The following ACAT2 variants were observed in gnomAD, a reference collection of about 807,000 sequenced individuals.
ACAT2 encodes the protein acetyl-CoA acetyltransferase, cytosolic.
ACAT2 carries 26 observed loss-of-function variants against 37.1 expected under a neutral mutation model. The observed-to-expected ratio is 0.70, with a 90% confidence interval of 0.51 to 0.97. ACAT2 has a LOEUF of 0.97. ACAT2 is among the 50% of genes least tolerant of loss of function. The pLI is 0.00. For synonymous variants in ACAT2, 156 were observed against 163.6 expected (o/e 0.95, Z 0.35); for missense variants, 468 against 489.0 (o/e 0.96, Z 0.40).
Position 159,762,574 on chromosome 6 carries a change from C to A in ACAT2, c.56-345C>A, listed in dbSNP as rs540382280. ...ACACAATGGCTAGAAGTCGTGACTT[C>A]GTCTCCTTCGTGCCGCATGGTTTTC... On this transcript the variant is annotated intron_variant, in intron 1 of 8. Transcript: ENST00000367048. 53 of 1,345,984 alleles carry A rather than the reference C, an allele frequency of 3.9e-5. 4 individuals are homozygous for A. In the South Asian group the frequency reaches 6.8e-4, roughly 17 times the overall value. The allele number at this position is 1,345,984 out of a possible 1,614,324, so 83.4% of individuals were successfully genotyped here.
chr6:159,762,429 A>C, intron 1 of ACAT2: 1 of 1,364,968 alleles, frequency 7.3e-7, no homozygotes, highest in Non-Finnish European at 9.5e-7. Flanking sequence ...TGGCGTAGGG[A>C]GGTGTTCTCC....
chr6:159,771,908 CACAACAACA>C (rs546836983), intron 4 of ACAT2, among the ~76,000 whole-genome samples: 4 of 151,774 alleles, frequency 2.6e-5, no homozygotes, highest in African/African-American at 9.7e-5. Context: ...AACATAGTGA[CACAACAACA>C]ACAACAACAA....
Position 159,768,605 on chromosome 6 carries a change from A to G in ACAT2, c.467A>G (p.His156Arg), listed in dbSNP as rs1780290782. 1.2e-6 allele frequency: 2 copies of G among 1,611,714 alleles called. No individual in the cohort carries two copies. The highest frequency in any genetic ancestry group is 1.7e-6 in the Non-Finnish European group (2 of 1,177,830). ...TGTGATGGTCTTACAGATGCATTTCACAACTGTCATATGGGTATTACAGGT... is the reference window on the plus strand; with the variant it reads ...TGTGATGGTCTTACAGATGCATTTCGCAACTGTCATATGGGTATTACAGGT... ...ILCDGLTDAF[H>R]NCHMGITAEN... The change falls in exon 4 of 9, where the codon CAC becomes CGC. Residue 156 changes from histidine to arginine, a missense_variant. Transcript: ENST00000367048.
At chr6:159,778,574 T>G in intron 8 of ACAT2, 85 bp from the exon 9 acceptor site, 1 of 1,438,084 alleles carries the variant, frequency 7.0e-7, no homozygotes, top group Non-Finnish European at 9.6e-7. Flanking sequence ...AGCATGCTGA[T>G]ACATTAAGAG....
At chr6:159,774,500 C>T (rs1487475589) in intron 4 of ACAT2, among the ~76,000 whole-genome samples, 1 of 151,830 alleles carries the variant, frequency 6.6e-6, no homozygotes, top group Non-Finnish European at 1.5e-5. Flanking sequence ...AGTGCAGAGG[C>T]ACAATCATGG....
At chr6:159,767,281 G>T in intron 3 of ACAT2, 95 bp downstream of exon 3, 3 of 1,279,164 alleles carry the variant, frequency 2.3e-6, no homozygotes, top group Non-Finnish European at 3.3e-6. Context: ...AGCAGAGCTG[G>T]AACCAAACAG....
At chr6:159,766,385 T>G (rs1170321891) in intron 2 of ACAT2, among the ~76,000 whole-genome samples, 1 of 149,512 alleles carries the variant, frequency 6.7e-6, no homozygotes, top group Non-Finnish European at 1.5e-5. Flanking sequence ...TTGATAATGC[T>G]TATTTAAGCA....
chr6:159,767,041 G>T lies in ACAT2; in HGVS notation c.227G>T (p.Gly76Val), dbSNP rs372204062. The T allele has an allele frequency of 1.2e-6, 2 of 1,614,084 alleles. No individual in the cohort carries two copies. The highest frequency in any genetic ancestry group is 1.7e-6 in the Non-Finnish European group (2 of 1,179,938). Residue 76 changes from glycine to valine, a missense_variant, in exon 3 of 9, where the codon GGT (glycine) becomes GTT (valine). Transcript: ENST00000367048. The stretch of plus-strand genomic sequence containing the variant: ...AATCCTGTTAGACAAGCCAGTGTGG[G>T]TGCAGGAATTCCCTACTCTGTTCCA... ...GQNPVRQASV[G>V]AGIPYSVPAW...
chr6:159,771,250 C>T (rs1780332033), intron 4 of ACAT2, among the ~76,000 whole-genome samples: 1 of 151,964 alleles, frequency 6.6e-6, no homozygotes, highest in South Asian at 2.1e-4. Flanking sequence ...GCTGGTGGCG[C>T]ATGCCTGTAA....
intron 4 of ACAT2, among the ~76,000 whole-genome samples, chr6:159,773,846 C>T (rs887355103): frequency 2.0e-5 from 3 of 152,152 alleles, no homozygotes; most frequent in African/African-American, 7.2e-5. Flanking sequence ...AAAAGGTTTT[C>T]TTTGTGGTAA....
At chr6:159,762,332 C>T in intron 1 of ACAT2, 190 bp downstream of exon 1, 3 of 1,224,964 alleles carry the variant, frequency 2.4e-6, no homozygotes, top group Non-Finnish European at 3.3e-6. Context: ...GCCCCACCCT[C>T]TCCTCTCCCG....
At position 159,776,246 on chromosome 6, in the gene ACAT2, G is replaced by A. The variant is rs368091007; in HGVS notation, c.731G>A (p.Gly244Glu). 2 of 1,614,080 alleles carry A rather than the reference G, an allele frequency of 1.2e-6. No homozygotes were observed. The highest frequency in any genetic ancestry group is 1.7e-6 in the Non-Finnish European group (2 of 1,179,984). ...LKPYFLTDGT[G>E]TVTPANASGI... ...CCTTACTTTCTTACTGATGGAACGG[G>A]AACAGTCACCCCAGCCAATGCTTCA... is the stretch of plus-strand genomic sequence containing the variant. Residue 244 changes from glycine to glutamate, a missense_variant, in exon 6 of 9, where the codon GGA (glycine) becomes GAA (glutamate). Transcript: ENST00000367048.
At position 159,778,985 on chromosome 6, in the gene ACAT2, C is replaced by A; in HGVS notation, c.*156C>A. On this transcript the variant is annotated 3_prime_UTR_variant, in exon 9 of 9. Coordinates refer to ENST00000367048, the MANE Select transcript of ACAT2 (RefSeq NM_005891.3). ...TTGTACTTTACTTTAATGTGTAATA[C>A]TCAACTCAAGGTACAAGACAATTGC... The A allele has an allele frequency of 6.4e-7, 1 of 1,572,928 alleles. No homozygotes were observed. Among genetic ancestry groups the A allele is most frequent in the Non-Finnish European group, 8.7e-7 (1 of 1,151,924 alleles).
At position 159,762,712 on chromosome 6, in the gene ACAT2, T is replaced by C. The variant is rs1288696802; in HGVS notation, c.56-207T>C. On this transcript the variant is annotated intron_variant, in intron 1 of 8. Transcript: ENST00000367048. Reference sequence around the variant, plus strand: ...CGGCGTCCCTAGGCCGTTCTGGAGGTCGCCTGTCCAGCCCTCGGCTGCTGC... The same window carrying C: ...CGGCGTCCCTAGGCCGTTCTGGAGGCCGCCTGTCCAGCCCTCGGCTGCTGC... 7.9e-6 allele frequency: 12 copies of C among 1,525,084 alleles called. No individual in the cohort carries two copies. In the Admixed American group the frequency reaches 2.2e-4, roughly 28 times the overall value. 94.5% of individuals were successfully genotyped at this position (1,525,084 alleles called of 1,614,324 possible). A position where few individuals can be genotyped will look rare whatever the true frequency, so the allele number is the denominator to read the frequency against.
In ACAT2 at chr6:159,762,900, C is replaced by T; in HGVS notation, c.56-19C>T. The stretch of plus-strand genomic sequence containing the variant: ...CCCGCAGGCTTGTGATGTCCACGCT[C>T]TCCGCCTTTCTATTGTAGGTTCCTT... On this transcript the variant is annotated intron_variant, in intron 1 of 8. Coordinates refer to ENST00000367048, the MANE Select transcript of ACAT2 (RefSeq NM_005891.3). 6.2e-7 allele frequency: 1 copy of T among 1,607,494 alleles called. No individual in the cohort carries two copies. The highest frequency in any genetic ancestry group is 8.5e-7 in the Non-Finnish European group (1 of 1,176,690).
chr6:159,777,588 AAG>A, intron 7 of ACAT2, 132 bp downstream of exon 7: 1 of 1,133,702 alleles, frequency 8.8e-7, no homozygotes, highest in Non-Finnish European at 1.2e-6. Context: ...TTTTTGAGAT[AAG>A]GTCTTGCTCT....
Position 159,762,432 on chromosome 6 carries a change from T to G in ACAT2, c.55+290T>G, listed in dbSNP as rs958493016. The G allele has an allele frequency of 2.1e-5, 28 of 1,362,456 alleles. No individual in the cohort carries two copies. In the East Asian group the frequency reaches 5.4e-4, roughly 26 times the overall value. 84.4% of individuals were successfully genotyped at this position (1,362,456 alleles called of 1,614,324 possible). ...TCTCCCATTGGTTGGCGTAGGGAGG[T>G]GTTCTCCTCCGGGGCCCCTGATTGG... On this transcript the variant is annotated intron_variant, in intron 1 of 8. Coordinates refer to ENST00000367048, the MANE Select transcript of ACAT2 (RefSeq NM_005891.3).
intron 7 of ACAT2, 145 bp downstream of exon 7, chr6:159,777,601 G>T: frequency 9.6e-7 from 1 of 1,045,980 alleles, no homozygotes; most frequent in South Asian, 1.8e-5. Context: ...GTCTTGCTCT[G>T]TTGTCCAGGC....
At chr6:159,772,819 A>G (rs1030989445) in intron 4 of ACAT2, among the ~76,000 whole-genome samples, 5 of 152,070 alleles carry the variant, frequency 3.3e-5, no homozygotes, top group African/African-American at 1.2e-4. Flanking sequence ...CAAAAAAAAA[A>G]AAAAAGAAAG....
Sources: allele counts gnomAD v4.1 joint callset (sites outside exome capture counted in the v4.1 genomes callset), GRCh38; gene constraint gnomAD v4.1.1; transcripts MANE v1.5; gene names NCBI Gene and HGNC (gene_info 2026-07-23, HGNC 2026-07-21).